PDE10A: variants seen among roughly 807,000 people sequenced by gnomAD.
PDE10A encodes phosphodiesterase 10A, also known as cAMP and cAMP-inhibited cGMP 3',5'-cyclic phosphodiesterase 10A.
In PDE10A, 39 loss-of-function variants were observed where a neutral mutation model predicts 97.7. The observed-to-expected ratio is 0.40, with a 90% CI of 0.31 to 0.52. The LOEUF (loss-of-function observed/expected upper bound fraction) is 0.52. Among genes scored for constraint, PDE10A ranks in the 20% least tolerant of loss-of-function variants. The pLI is 0.56. For missense variants in PDE10A, 731 were observed against 1,047.8 expected, an observed-to-expected ratio of 0.70 and a Z score of 4.17; for synonymous variants, 371 against 376.8, an observed-to-expected ratio of 0.98 and a Z score of 0.18.
intron 1 of PDE10A, among the ~76,000 whole-genome samples, chr6:165,642,563 A>G (rs1412818359): frequency 6.6e-6 from 1 of 152,230 alleles, no homozygotes; most frequent in Non-Finnish European, 1.5e-5. Flanking sequence ...CAACAGTGGT[A>G]CGGACTGGTT....
chr6:165,686,570 C>T (rs9295312), intron 1 of PDE10A, among the ~76,000 whole-genome samples: 120,367 of 152,204 alleles, frequency 0.79, 48,230 homozygotes, highest in Non-Finnish European at 0.85. Context: ...TAAAATCACA[C>T]AGAAGAAAAG....
chr6:165,364,190 C>T (rs1474944195), intron 18 of PDE10A, among the ~76,000 whole-genome samples: 1 of 152,110 alleles, frequency 6.6e-6, no homozygotes, highest in Non-Finnish European at 1.5e-5. Flanking sequence ...TATGTTAAAT[C>T]CTAATGTCCA....
rs1168771487 is a variant in PDE10A at position 165,796,091 on chromosome 6, C to CTTTT, written c.-615+191434_-615+191437dup. On this transcript the variant is annotated intron_variant, in intron 1 of 19. Coordinates refer to the PDE10A transcript ENST00000366882. ...GCACGTCTTTTCTTTTTTTTCTTTT[C>CTTTT]TTTTTTTTTTTTTTTTTTTTTTGAG... Among the ~76,000 whole-genome samples the CTTTT allele has an allele frequency of 1.6e-3, 174 of 108,794 alleles. 2 individuals are homozygous for CTTTT. Among genetic ancestry groups the CTTTT allele is most frequent in the South Asian group, 2.0e-3 (6 of 2,984 alleles). 71.4% of individuals were successfully genotyped at this position (108,794 alleles called of 152,430 possible).
chr6:165,414,865 G>A (rs1788195297), intron 12 of PDE10A, among the ~76,000 whole-genome samples: 1 of 152,136 alleles, frequency 6.6e-6, no homozygotes, highest in South Asian at 2.1e-4. Flanking sequence ...TAAAGTCCCA[G>A]CCATTCAAGC....
chr6:165,836,698 G>A (rs1447412995), intron 1 of PDE10A, among the ~76,000 whole-genome samples: 4 of 152,174 alleles, frequency 2.6e-5, no homozygotes, highest in Non-Finnish European at 5.9e-5. Flanking sequence ...AGGGCACACT[G>A]TCCTCCTGGA....
chr6:165,585,823 G>C (rs1785877906), intron 1 of PDE10A, among the ~76,000 whole-genome samples: 1 of 152,136 alleles, frequency 6.6e-6, no homozygotes, highest in African/African-American at 2.4e-5. Flanking sequence ...TTTATCTGAG[G>C]AATGCGAGCC....
At chr6:165,856,274 T>G (rs528307733) in intron 1 of PDE10A, among the ~76,000 whole-genome samples, 1 of 152,288 alleles carries the variant, frequency 6.6e-6, no homozygotes, top group East Asian at 1.9e-4. Flanking sequence ...GGGAAAGAAC[T>G]CAAGCCCTCA....
chr6:165,780,058 G>C (rs1350388961), intron 1 of PDE10A, among the ~76,000 whole-genome samples: 9 of 152,100 alleles, frequency 5.9e-5, no homozygotes, highest in Non-Finnish European at 1.2e-4. Context: ...TCTATACTTA[G>C]TTTTTCCCTT....
chr6:165,508,288 G>A (rs1781318373), intron 2 of PDE10A, among the ~76,000 whole-genome samples: 1 of 152,004 alleles, frequency 6.6e-6, no homozygotes, highest in Non-Finnish European at 1.5e-5. Context: ...GCATTGCCTA[G>A]AGTGTTGTAT....
At chr6:165,943,229 A>AAG (rs1562809782) in intron 1 of PDE10A, among the ~76,000 whole-genome samples, 3 of 58,148 alleles carry the variant, frequency 5.2e-5, no homozygotes, top group African/African-American at 2.0e-4. Flanking sequence ...GAAAGAAAGA[A>AAG]AGAAAGAAGG....
chr6:165,392,189 T>G (rs1260637524), intron 16 of PDE10A, among the ~76,000 whole-genome samples: 1 of 152,216 alleles, frequency 6.6e-6, no homozygotes, highest in Non-Finnish European at 1.5e-5. Flanking sequence ...CTCTGGGTAT[T>G]TAAAGTCAGG....
intron 1 of PDE10A, among the ~76,000 whole-genome samples, chr6:165,723,540 T>C (rs998686836): frequency 4.6e-5 from 7 of 152,202 alleles, no homozygotes; most frequent in African/African-American, 1.4e-4. Flanking sequence ...TTCCAACTTG[T>C]GTCTGCCATG....
intron 1 of PDE10A, among the ~76,000 whole-genome samples, chr6:165,648,464 G>A (rs145994420): frequency 6.3e-4 from 95 of 151,342 alleles, no homozygotes; most frequent in African/African-American, 2.2e-3. Flanking sequence ...TTCTATACAC[G>A]TGCCCTCTCT....
intron 10 of PDE10A, among the ~76,000 whole-genome samples, chr6:165,419,771 C>A (rs1418528569): frequency 1.3e-5 from 2 of 152,126 alleles, no homozygotes; most frequent in Non-Finnish European, 2.9e-5. Flanking sequence ...TGAAATTATT[C>A]CTCGGAGAAA....
At chr6:165,440,212 C>T (rs1402793940) in intron 5 of PDE10A, among the ~76,000 whole-genome samples, 1 of 152,132 alleles carries the variant, frequency 6.6e-6, no homozygotes, top group Non-Finnish European at 1.5e-5. Flanking sequence ...AACTTTGTTT[C>T]CATAATTCTT....
At chr6:165,834,945 C>T (rs1457678532) in intron 1 of PDE10A, among the ~76,000 whole-genome samples, 1 of 152,236 alleles carries the variant, frequency 6.6e-6, no homozygotes, top group African/African-American at 2.4e-5. Context: ...GGAGCCAGGG[C>T]TCCAGGTGGA....
Position 165,907,462 on chromosome 6 carries a change from T to C in PDE10A, c.-615+80067A>G, listed in dbSNP as rs554624260. Among the ~76,000 whole-genome samples, 4 of 152,342 alleles carry C rather than the reference T, an allele frequency of 2.6e-5. No homozygotes were observed. In the East Asian group the frequency reaches 7.7e-4, roughly 29 times the overall value. On this transcript the variant is annotated intron_variant, in intron 1 of 19. Transcript: ENST00000366882. Reference sequence around the variant, plus strand: ...GGTGCGAGTCACTTCAGAGACACTCTCTGTGCATTGCACAGTGGGAGCCGC... The same window carrying C: ...GGTGCGAGTCACTTCAGAGACACTCCCTGTGCATTGCACAGTGGGAGCCGC...
At chr6:165,901,197 C>T (rs1329984905) in intron 1 of PDE10A, among the ~76,000 whole-genome samples, 1 of 152,216 alleles carries the variant, frequency 6.6e-6, no homozygotes, top group East Asian at 1.9e-4. Flanking sequence ...GCGTCTCCAG[C>T]TCCTGGCTCG....
chr6:165,590,980 A>C (rs1159030535), intron 1 of PDE10A, among the ~76,000 whole-genome samples: 1 of 152,204 alleles, frequency 6.6e-6, no homozygotes, highest in African/African-American at 2.4e-5. Flanking sequence ...CTCAGCTAAC[A>C]AAGTATTTAA....
Sources: gnomAD v4.1 joint callset for allele counts (sites outside exome capture counted in the v4.1 genomes callset) on GRCh38, gnomAD v4.1.1 for gene constraint, MANE v1.5 for transcripts, NCBI Gene and HGNC (gene_info 2026-07-23, HGNC 2026-07-21) for gene names.